The following PRMT8 variants were observed in gnomAD, a reference collection of about 807,000 sequenced individuals.
PRMT8 encodes protein arginine N-methyltransferase 8.
A neutral mutation model predicts 47.1 loss-of-function variants in PRMT8; 7 were observed. The observed-to-expected ratio is 0.15, with a 90% CI of 0.08 to 0.28. The LOEUF is 0.28. Ranked by LOEUF, PRMT8 falls within the 10% of genes least tolerant of loss-of-function variation. The pLI is 1.00. For synonymous variants in PRMT8, 188 were observed against 186.5 expected (o/e 1.01, Z -0.07); for missense variants, 237 against 505.4 (o/e 0.47, Z 5.09).
intron 8 of PRMT8, among the ~76,000 whole-genome samples, chr12:3,588,971 C>T (rs776393869): frequency 1.3e-5 from 2 of 152,160 alleles, no homozygotes; most frequent in Admixed American, 6.5e-5. Flanking sequence ...CACCCTTGTG[C>T]ACGGTGACAT....
chr12:3,572,658 C>G lies in PRMT8; in HGVS notation c.712+3094C>G, dbSNP rs12427233. Among the ~76,000 whole-genome samples, 32,167 of 152,148 alleles carry G rather than the reference C, an allele frequency of 0.21. 4,061 individuals are homozygous for G. The highest frequency in any genetic ancestry group is 0.35 in the African/African-American group (14,403 of 41,476). On this transcript the variant is annotated intron_variant, in intron 6 of 9. Coordinates refer to ENST00000382622, the MANE Select transcript of PRMT8 (RefSeq NM_019854.5). This position sits in a 1 kb window ranked among gnomAD's most constrained non-coding sequence, Gnocchi z 5.9. ...CCATTTTATGCAAGGATTCCACTTTCTTCATGAGAGCCTAAAATGTGTCAA... is the reference window on the plus strand; with the variant it reads ...CCATTTTATGCAAGGATTCCACTTTGTTCATGAGAGCCTAAAATGTGTCAA...
In PRMT8 at chr12:3,454,996, G is replaced by A. The variant is rs148442468; in HGVS notation, c.48+73554G>A. Among the ~76,000 whole-genome samples, 139 of 152,226 alleles carry A rather than the reference G, an allele frequency of 9.1e-4. 1 individual carries two copies. The highest frequency in any genetic ancestry group is 3.2e-3 in the African/African-American group (132 of 41,522). On this transcript the variant is annotated intron_variant, in intron 1 of 9. Transcript: ENST00000452611. Reference sequence around the variant, plus strand: ...TTTCTACATTCTGGTGAATTCATCCGCCTTACCCCAACCAATCAACAGCTC... The same window carrying A: ...TTTCTACATTCTGGTGAATTCATCCACCTTACCCCAACCAATCAACAGCTC...
At chr12:3,534,225 A>G (rs750072166) in intron 1 of PRMT8, among the ~76,000 whole-genome samples, 2 of 152,248 alleles carry the variant, frequency 1.3e-5, no homozygotes, top group Non-Finnish European at 2.9e-5. Flanking sequence ...CTCTCTTGAC[A>G]TTTGGAGAAC....
intron 4 of PRMT8, among the ~76,000 whole-genome samples, chr12:3,558,720 A>C (rs748665981): frequency 6.6e-6 from 1 of 152,184 alleles, no homozygotes; most frequent in Non-Finnish European, 1.5e-5. Flanking sequence ...CAGGTTCTGC[A>C]TCTTGGGTAG....
At chr12:3,416,832 T>C (rs1382359767) in intron 1 of PRMT8, among the ~76,000 whole-genome samples, 1 of 152,210 alleles carries the variant, frequency 6.6e-6, no homozygotes, top group Admixed American at 6.5e-5. Flanking sequence ...AGAAACTGCC[T>C]GGATGGAGAT....
At chr12:3,592,479 G>T (rs1591620407) in intron 9 of PRMT8, 127 bp downstream of exon 9, 1 of 1,020,016 alleles carries the variant, frequency 9.8e-7, no homozygotes. Flanking sequence ...CAGGCAGTCG[G>T]TAGCCACATG....
At chr12:3,536,226 C>T (rs545620346) in intron 1 of PRMT8, among the ~76,000 whole-genome samples, 3 of 152,322 alleles carry the variant, frequency 2.0e-5, no homozygotes, top group South Asian at 2.1e-4. Flanking sequence ...TCACAGGCCA[C>T]GGCTGCTTCC....
intron 1 of PRMT8, among the ~76,000 whole-genome samples, chr12:3,414,241 T>C (rs2137057607): frequency 6.6e-6 from 1 of 152,334 alleles, no homozygotes; most frequent in South Asian, 2.1e-4. Context: ...GGTGATAATA[T>C]GGGAATAACA....
intron 1 of PRMT8, among the ~76,000 whole-genome samples, chr12:3,404,744 ACT>A (rs887585217): frequency 2.6e-5 from 4 of 151,596 alleles, no homozygotes; most frequent in Admixed American, 6.6e-5. Flanking sequence ...GATGTATTAA[ACT>A]CTCTCTCTAT....
At chr12:3,541,479 T>A (rs182617999) in intron 2 of PRMT8, among the ~76,000 whole-genome samples, 30 of 152,298 alleles carry the variant, frequency 2.0e-4, no homozygotes, top group African/African-American at 6.3e-4. Flanking sequence ...ACAAGTAGGA[T>A]TTACTGAGTG....
In PRMT8 at chr12:3,565,336, G is replaced by A. The variant is rs576040667; in HGVS notation, c.482-3370G>A. ...AGATTAGCTGTCACCTGGAACAAGAGCGTAAGTTGCTGCCTTTTAGGATTC... is the reference window on the plus strand; with the variant it reads ...AGATTAGCTGTCACCTGGAACAAGAACGTAAGTTGCTGCCTTTTAGGATTC... On this transcript the variant is annotated intron_variant, in intron 4 of 9. Coordinates refer to ENST00000382622, the MANE Select transcript of PRMT8 (RefSeq NM_019854.5). Among the ~76,000 whole-genome samples the A allele has an allele frequency of 4.1e-4, 63 of 152,242 alleles. 1 individual carries two copies. The East Asian group carries it at 0.012, about 28-fold the overall frequency.
chr12:3,470,202 T>C (rs1402728573), intron 1 of PRMT8, among the ~76,000 whole-genome samples: 1 of 152,192 alleles, frequency 6.6e-6, no homozygotes, highest in Non-Finnish European at 1.5e-5. Flanking sequence ...GCTCTGTGTG[T>C]GTGGAGAGGC....
intron 1 of PRMT8, among the ~76,000 whole-genome samples, chr12:3,496,214 A>ATATATATATATATATATATAT: frequency 7.2e-5 from 2 of 27,776 alleles, no homozygotes; most frequent in African/African-American, 8.8e-5. Context: ...ATATATATAT[A>ATATATATATATATATATATAT]TTTTTTTTTT....
intron 1 of PRMT8, among the ~76,000 whole-genome samples, chr12:3,473,653 C>T (rs1311143407): frequency 6.6e-6 from 1 of 152,170 alleles, no homozygotes; most frequent in Admixed American, 6.5e-5. Context: ...CACCTGTCAC[C>T]TGGGCATCTC....
chr12:3,381,497 G>C, intron 1 of PRMT8: 1 of 1,513,864 alleles, frequency 6.6e-7, no homozygotes, highest in Non-Finnish European at 8.9e-7. Flanking sequence ...AAGTGAAATA[G>C]TGCAATTTAT....
intron 1 of PRMT8, among the ~76,000 whole-genome samples, chr12:3,429,175 C>A (rs1377811665): frequency 2.0e-5 from 3 of 152,174 alleles, no homozygotes; most frequent in Non-Finnish European, 2.9e-5. Flanking sequence ...CCAGCTGTAA[C>A]CAAGTGTCTA....
rs1374747598 is a variant in PRMT8, at chr12:3,514,453, G to A, written c.75+22753G>A. On this transcript the variant is annotated intron_variant, in intron 1 of 9. Transcript: ENST00000382622. The surrounding 1 kb of genome is among the most constrained non-coding windows in gnomAD (Gnocchi z 5.9). ...GGGGTTGCTCACCCAGGCCTGCAGA[G>A]CCTCTCCAAATCCATCCGTACTTCC... Among the ~76,000 whole-genome samples the A allele has an allele frequency of 6.6e-6, 1 of 152,142 alleles. No homozygotes were observed. The highest frequency in any genetic ancestry group is 2.4e-5 in the African/African-American group (1 of 41,432).
intron 1 of PRMT8, among the ~76,000 whole-genome samples, chr12:3,524,714 G>C (rs1444876787): frequency 6.6e-6 from 1 of 150,984 alleles, no homozygotes; most frequent in East Asian, 1.9e-4. Flanking sequence ...GGAAAATTGT[G>C]ACCCCATGTG....
chr12:3,569,490 TTA>T lies in PRMT8; in HGVS notation c.640_641del (p.Met214ValfsTer13). On this transcript the variant is annotated frameshift_variant, in exon 6 of 10. Coordinates refer to ENST00000382622, the MANE Select transcript of PRMT8 (RefSeq NM_019854.5). LOFTEE classifies it high-confidence loss of function. This position sits in a 1 kb window ranked among gnomAD's most constrained non-coding sequence, Gnocchi z 8.2. Reference sequence around the variant, plus strand: ...ATTCATCAACAGAAACCTGGAGGGCTTATGTTTCCAGACCGGGCAGCTTTGTA... The same window carrying T: ...ATTCATCAACAGAAACCTGGAGGGCTTGTTTCCAGACCGGGCAGCTTTGTA... 1.2e-6 allele frequency: 2 copies of T among 1,614,130 alleles called. No individual in the cohort carries two copies. The highest frequency in any genetic ancestry group is 1.7e-6 in the Non-Finnish European group (2 of 1,179,974).
Sources: gnomAD v4.1 joint callset for allele counts (sites outside exome capture counted in the v4.1 genomes callset) on GRCh38, gnomAD v4.1.1 for gene constraint, Gnocchi (gnomAD v3.1) non-coding constraint, MANE v1.5 for transcripts, NCBI Gene and HGNC (gene_info 2026-07-23, HGNC 2026-07-21) for gene names.